GREB1: variants seen among roughly 807,000 people sequenced by gnomAD.
GREB1 encodes the protein protein GREB1.
In GREB1, 106 loss-of-function variants were observed where a neutral mutation model predicts 200.7. The ratio of observed to expected loss-of-function variants is 0.53; its 90% CI spans 0.45 to 0.62. The LOEUF (loss-of-function observed/expected upper bound fraction) is 0.62. Ranked by LOEUF, GREB1 falls within the 20% of genes least tolerant of loss-of-function variation. GREB1 has a pLI of 0.00. For synonymous variants in GREB1, 1,132 were observed against 1,092.4 expected (o/e 1.04, Z -0.72); for missense variants, 2,243 against 2,556.8 (o/e 0.88, Z 2.65).
intron 8 of GREB1, 59 bp downstream of exon 8, chr2:11,585,333 G>A: frequency 9.5e-7 from 1 of 1,053,296 alleles, no homozygotes; most frequent in Non-Finnish European, 1.4e-6. Context: ...TAGTGCTGCT[G>A]CCAGTTGTGT....
chr2:11,612,029 A>G (rs1682980855), intron 18 of GREB1, among the ~76,000 whole-genome samples: 1 of 152,098 alleles, frequency 6.6e-6, no homozygotes, highest in South Asian at 2.1e-4. Context: ...CCCTGTCTCT[A>G]CTAAAAATAC....
chr2:11,634,008 C>T (rs1339421771), intron 28 of GREB1, 123 bp from the exon 29 acceptor site: 14 of 891,956 alleles, frequency 1.6e-5, no homozygotes, highest in Middle Eastern at 2.7e-4. Context: ...GGGGACTGTG[C>T]GGGGCACCGG....
intron 11 of GREB1, among the ~76,000 whole-genome samples, chr2:11,594,574 C>G (rs1488289409): frequency 6.6e-6 from 1 of 151,976 alleles, no homozygotes; most frequent in Admixed American, 6.6e-5. Context: ...AGGCTGGTCT[C>G]AAACTCCTGA....
chr2:11,521,130 G>T (rs971730803), intron 1 of GREB1, among the ~76,000 whole-genome samples: 1 of 151,710 alleles, frequency 6.6e-6, no homozygotes, highest in African/African-American at 2.4e-5. Flanking sequence ...TTTTTTGAGC[G>T]AGGGTCTTAC....
chr2:11,501,230 A>G (rs1018692774), intron 1 of GREB1, among the ~76,000 whole-genome samples: 2 of 152,140 alleles, frequency 1.3e-5, no homozygotes, highest in Admixed American at 1.3e-4. Flanking sequence ...GCATTTATCA[A>G]TGTCATGTCA....
At chr2:11,614,068 G>A (rs539813541) in intron 19 of GREB1, among the ~76,000 whole-genome samples, 15 of 151,780 alleles carry the variant, frequency 9.9e-5, no homozygotes, top group Admixed American at 9.2e-4. Flanking sequence ...GTGTTCACTT[G>A]GATTGAATAA....
chr2:11,631,368 TA>T (rs1260655834), intron 26 of GREB1, among the ~76,000 whole-genome samples: 1 of 152,238 alleles, frequency 6.6e-6, no homozygotes, highest in Non-Finnish European at 1.5e-5. Context: ...CATACAAGAA[TA>T]ATGTGTGCTC....
chr2:11,584,007 C>T (rs529843436), intron 7 of GREB1, among the ~76,000 whole-genome samples: 1 of 152,248 alleles, frequency 6.6e-6, no homozygotes, highest in East Asian at 1.9e-4. Flanking sequence ...TCGGGTCACA[C>T]CTGGAGAACC....
intron 10 of GREB1, among the ~76,000 whole-genome samples, chr2:11,590,344 C>T (rs1680605240): frequency 1.3e-5 from 2 of 152,124 alleles, no homozygotes; most frequent in South Asian, 4.1e-4. Flanking sequence ...TGCTCAGAGC[C>T]CTGCCGCGGC....
Position 11,640,677 on chromosome 2 carries a change from G to A in GREB1, c.*223G>A. On this transcript the variant is annotated 3_prime_UTR_variant, in exon 33 of 33. Coordinates refer to ENST00000381486, the MANE Select transcript of GREB1 (RefSeq NM_014668.4). The surrounding 1 kb of genome is among the most constrained non-coding windows in gnomAD (Gnocchi z 4.6). ...GAAAACTTGAGACTCCCAAGTTCTG[G>A]GCCAGCCCATTGCTCTGGGCTGTTT... 1.8e-6 allele frequency: 1 copy of A among 554,910 alleles called. No homozygotes were observed. Among genetic ancestry groups the A allele is most frequent in the South Asian group, 2.5e-5 (1 of 40,530 alleles). The allele number at this position is 554,910 out of a possible 1,614,324, so 34.4% of individuals were successfully genotyped here.
chr2:11,528,340 A>G (rs938558388), intron 1 of GREB1, among the ~76,000 whole-genome samples: 2 of 152,256 alleles, frequency 1.3e-5, no homozygotes, highest in African/African-American at 4.8e-5. Flanking sequence ...ATACACTGCA[A>G]ATACCCTCGT....
intron 1 of GREB1, among the ~76,000 whole-genome samples, chr2:11,519,449 G>GTTTCTT (rs1673628883): frequency 1.3e-5 from 1 of 76,974 alleles, no homozygotes; most frequent in African/African-American, 5.4e-5. Context: ...ACTTGTTTTG[G>GTTTCTT]TTTTTTTTTT....
At chr2:11,587,899 G>A in intron 9 of GREB1, 1 of 998,412 alleles carries the variant, frequency 1.0e-6, no homozygotes, top group Non-Finnish European at 1.2e-6. Context: ...CCCGACCTGG[G>A]CAATTCCACC....
chr2:11,566,576 C>G lies in GREB1; in HGVS notation c.374C>G (p.Pro125Arg), dbSNP rs769469037. 5 of 1,614,140 alleles carry G rather than the reference C, an allele frequency of 3.1e-6. No individual in the cohort carries two copies. The highest frequency in any genetic ancestry group is 4.2e-6 in the Non-Finnish European group (5 of 1,180,010). Residue 125 changes from proline (P) to arginine (R), a missense_variant, in exon 4 of 33, where the codon CCC (proline) becomes CGC (arginine). Physicochemically the swap from Pro to Arg is moderately radical, Grantham distance 103. Transcript: ENST00000381486. ...AGFLLVGVKS[P>R]SLPDHLLVCA... ...TTTCTCCTCGTGGGGGTCAAGTCCC[C>G]CAGCCTGCCGGACCATCTCCTGGTG... is the stretch of plus-strand genomic sequence containing the variant.
intron 21 of GREB1, among the ~76,000 whole-genome samples, chr2:11,617,063 A>G (rs1270440441): frequency 6.6e-6 from 1 of 152,116 alleles, no homozygotes; most frequent in African/African-American, 2.4e-5. Flanking sequence ...TTGGTTTGGG[A>G]AAACCCTGTG....
intron 9 of GREB1, chr2:11,587,392 T>C (rs1307985258): frequency 6.2e-7 from 1 of 1,611,964 alleles, no homozygotes; most frequent in South Asian, 1.1e-5. Flanking sequence ...TATTTGTAAA[T>C]GGTGCTACCC....
rs558901152 is a variant in GREB1, at chr2:11,624,785, A to G, written c.4148-369A>G. ...TGAATGAGGCCCAACATAAATTTGT[A>G]AACTTTCTGAAAACATTACGAGATT... is the stretch of plus-strand genomic sequence containing the variant. On this transcript the variant is annotated intron_variant, in intron 23 of 32. Coordinates refer to ENST00000381486, the MANE Select transcript of GREB1 (RefSeq NM_014668.4). Among the ~76,000 whole-genome samples the G allele has an allele frequency of 6.6e-5, 10 of 152,014 alleles. No individual in the cohort carries two copies. The Middle Eastern group carries it at 0.014, about 207-fold the overall frequency.
chr2:11,587,326 A>G lies in GREB1; in HGVS notation c.1160-1420A>G, dbSNP rs944308693. 6.3e-6 allele frequency: 8 copies of G among 1,271,292 alleles called. No individual in the cohort carries two copies. In the African/African-American group the frequency reaches 1.0e-4, roughly 16 times the overall value. The allele number at this position is 1,271,292 out of a possible 1,614,324, so 78.8% of individuals were successfully genotyped here. ...ACTTCTCTGTCCCTCTTTTATGACAAATGTCACATACTTGCCTTTATAGCA... is the reference window on the plus strand; with the variant it reads ...ACTTCTCTGTCCCTCTTTTATGACAGATGTCACATACTTGCCTTTATAGCA... On this transcript the variant is annotated intron_variant, in intron 9 of 32. Transcript: ENST00000381486.
intron 14 of GREB1, 101 bp downstream of exon 14, chr2:11,598,079 G>T: frequency 1.2e-6 from 1 of 843,512 alleles, no homozygotes; most frequent in Non-Finnish European, 2.1e-6. Context: ...AGTGAATAGG[G>T]CAAGTATTGC....
Sources: allele counts gnomAD v4.1 joint callset (sites outside exome capture counted in the v4.1 genomes callset), GRCh38; gene constraint gnomAD v4.1.1; non-coding constraint Gnocchi (gnomAD v3.1); transcripts MANE v1.5; gene names NCBI Gene and HGNC (gene_info 2026-07-23, HGNC 2026-07-21).